The following ZFHX3 variants were observed in gnomAD, a reference collection of about 807,000 sequenced individuals.
The protein encoded by ZFHX3 is zinc finger homeobox protein 3.
A neutral mutation model predicts 279.1 loss-of-function variants in ZFHX3; 42 were observed. The ratio of observed to expected loss-of-function variants is 0.15; its 90% CI spans 0.12 to 0.19. ZFHX3 has a LOEUF of 0.19. Ranked by LOEUF, ZFHX3 falls within the 10% of genes least tolerant of loss-of-function variation. The pLI is 1.00. For missense variants in ZFHX3, 4,981 were observed against 4,754.0 expected, an observed-to-expected ratio of 1.05 and a Z score of -1.40; for synonymous variants, 2,293 against 1,957.8, an observed-to-expected ratio of 1.17 and a Z score of -4.52.
intron 2 of ZFHX3, among the ~76,000 whole-genome samples, chr16:73,521,467 T>C (rs902963886): frequency 2.0e-5 from 3 of 152,148 alleles, no homozygotes; most frequent in Non-Finnish European, 4.4e-5. Flanking sequence ...CTCACTTGTA[T>C]AAACAGATAA....
intron 5 of ZFHX3, among the ~76,000 whole-genome samples, chr16:73,249,852 A>AT: frequency 6.6e-6 from 1 of 152,098 alleles, no homozygotes; most frequent in East Asian, 1.9e-4. Flanking sequence ...ACACACACAA[A>AT]ATTCAAAAGA....
chr16:73,308,224 CATATATATAT>C (rs56199536), intron 4 of ZFHX3, among the ~76,000 whole-genome samples: 460 of 108,380 alleles, frequency 4.2e-3, no homozygotes, highest in South Asian at 7.5e-3. Context: ...CATATGCATG[CATATATATAT>C]ATATATATAT....
At chr16:73,707,598 G>A (rs1056345408) in intron 1 of ZFHX3, among the ~76,000 whole-genome samples, 91 of 123,456 alleles carry the variant, frequency 7.4e-4, no homozygotes, top group Non-Finnish European at 1.4e-3. Context: ...TGTGGGGTGG[G>A]GGGAGGGGGG....
At position 72,795,891 on chromosome 16, in the gene ZFHX3, T is replaced by C. The variant is rs749349133; in HGVS notation, c.6791A>G (p.Asn2264Ser). Residue 2264 changes from asparagine (N) to serine (S), a missense_variant, in exon 9 of 10, where the codon AAT becomes AGT. Physicochemically the swap from Asn to Ser is conservative, Grantham distance 46 (BLOSUM62 1). Around this residue, in one of 7 missense-constraint regions of ZFHX3, gnomAD observed 177 missense variants for 244.2 expected, o/e 0.72. Coordinates refer to ENST00000268489, the MANE Select transcript of ZFHX3 (RefSeq NM_006885.4). Reference protein sequence around the residue: ...LRVLQDFFDANAYPKDDEFEQ... With the variant: ...LRVLQDFFDASAYPKDDEFEQ... ...AAATTCATCATCCTTTGGGTAAGCA[T>C]TGGCATCGAAGAAGTCCTGTAAGAC... 18 of 1,614,050 alleles carry C rather than the reference T, an allele frequency of 1.1e-5. No individual in the cohort carries two copies. The highest frequency in any genetic ancestry group is 2.2e-5 in the South Asian group (2 of 91,078).
In ZFHX3 at chr16:72,977,589, T is replaced by TG. The variant is rs899472191; in HGVS notation, c.-49-17396dup. Among the ~76,000 whole-genome samples, 67 of 68,316 alleles carry TG rather than the reference T, an allele frequency of 9.8e-4. 1 individual carries two copies. The highest frequency in any genetic ancestry group is 2.7e-3 in the African/African-American group (62 of 22,944). The allele number at this position is 68,316 out of a possible 152,430, so 44.8% of individuals were successfully genotyped here. On this transcript the variant is annotated intron_variant, in intron 1 of 9. Coordinates refer to ENST00000268489, the MANE Select transcript of ZFHX3 (RefSeq NM_006885.4). ...CTATTAGTTCCCTGTCGTGGGTCAGTGGGGGGAAAAAAATCACTCTCCACA... is the reference window on the plus strand; with the variant it reads ...CTATTAGTTCCCTGTCGTGGGTCAGTGGGGGGGAAAAAAATCACTCTCCACA...
chr16:73,148,670 G>T (rs1462205756), intron 5 of ZFHX3, among the ~76,000 whole-genome samples: 1 of 149,070 alleles, frequency 6.7e-6, no homozygotes, highest in Admixed American at 6.9e-5. Flanking sequence ...AGTTGGGTTG[G>T]GCATGGTGGC....
intron 3 of ZFHX3, among the ~76,000 whole-genome samples, chr16:73,379,646 G>C (rs1291762738): frequency 6.6e-6 from 1 of 152,178 alleles, no homozygotes; most frequent in Non-Finnish European, 1.5e-5. Flanking sequence ...GAAAGGAAGA[G>C]GACCCTGCTG....
At chr16:72,974,234 C>A (rs777048126) in intron 1 of ZFHX3, among the ~76,000 whole-genome samples, 8 of 152,206 alleles carry the variant, frequency 5.3e-5, no homozygotes, top group Non-Finnish European at 1.0e-4. Flanking sequence ...AGCTGCTTTT[C>A]TCTGGGCCTG....
At chr16:73,129,607 C>CGT (rs1966637451) in intron 7 of ZFHX3, among the ~76,000 whole-genome samples, 1 of 151,270 alleles carries the variant, frequency 6.6e-6, no homozygotes, top group African/African-American at 2.4e-5. Context: ...GTAGTGTGTG[C>CGT]GTGTGTGTGC....
intron 5 of ZFHX3, among the ~76,000 whole-genome samples, chr16:73,178,369 C>G (rs1392913971): frequency 6.6e-6 from 1 of 152,134 alleles, no homozygotes; most frequent in Admixed American, 6.6e-5. Context: ...AAACTTCTGA[C>G]CTCAAGTGAT....
intron 2 of ZFHX3, among the ~76,000 whole-genome samples, chr16:73,493,935 C>A (rs80131439): frequency 6.6e-6 from 1 of 152,138 alleles, no homozygotes; most frequent in African/African-American, 2.4e-5. Context: ...GCACCCTAGA[C>A]TGAAGAAGCC....
intron 5 of ZFHX3, among the ~76,000 whole-genome samples, chr16:72,826,293 C>G (rs2036925323): frequency 6.6e-6 from 1 of 152,176 alleles, no homozygotes; most frequent in Non-Finnish European, 1.5e-5. Context: ...CCTGCACAAA[C>G]CCCAAAACTA....
At position 73,122,611 on chromosome 16, in the gene ZFHX3, G is replaced by A. The variant is rs1162934485; in HGVS notation, c.-897+8357C>T. On this transcript the variant is annotated intron_variant, in intron 7 of 17. Transcript: ENST00000641206. ...CCACGGGGTGCAGTGACCAACTTGG[G>A]GGGCCATCAGGGGATTCCCTGTAGA... Among the ~76,000 whole-genome samples the A allele has an allele frequency of 1.3e-5, 2 of 152,140 alleles. 1 individual carries two copies. Among genetic ancestry groups the A allele is most frequent in the Middle Eastern group, 6.3e-3 (2 of 316 alleles).
At chr16:72,789,511 A>C (rs1218198196) in intron 9 of ZFHX3, 1 of 152,358 alleles carries the variant, frequency 6.6e-6, no homozygotes, top group African/African-American at 2.4e-5. Flanking sequence ...AGGAGAAGAG[A>C]GAACGAAGGC....
chr16:73,222,836 A>T (rs948321758), intron 5 of ZFHX3, among the ~76,000 whole-genome samples: 2 of 152,188 alleles, frequency 1.3e-5, no homozygotes, highest in African/African-American at 4.8e-5. Flanking sequence ...AAGCCACAGC[A>T]ATTGAGACAG....
At chr16:73,055,696 G>A (rs62055078) in intron 1 of ZFHX3, among the ~76,000 whole-genome samples, 33,534 of 93,502 alleles carry the variant, frequency 0.36, 4,286 homozygotes, top group South Asian at 0.52. Flanking sequence ...GCGCGCGCGC[G>A]CGCACACACA....
chr16:73,646,372 T>A (rs1215521620), intron 2 of ZFHX3, among the ~76,000 whole-genome samples: 3 of 151,890 alleles, frequency 2.0e-5, no homozygotes, highest in African/African-American at 4.8e-5. Flanking sequence ...GATACACAGA[T>A]CAAAATTTAT....
In ZFHX3 at chr16:73,104,569, A is replaced by G. The variant is rs1423138952; in HGVS notation, c.-896-10971T>C. On this transcript the variant is annotated intron_variant, in intron 7 of 17. Coordinates refer to the ZFHX3 transcript ENST00000641206. ...ATGTGACCATTTGGGCAAATCTCTC[A>G]GTGAAGGAGTGGGACATTTTCTTTA... 5.3e-5 allele frequency among the ~76,000 whole-genome samples: 8 copies of G among 152,266 alleles called. No homozygotes were observed. In the East Asian group the frequency reaches 1.4e-3, roughly 26 times the overall value.
rs146783119 is a variant in ZFHX3 at position 73,821,979 on chromosome 16, G to C, written c.-1608+69672C>G. 4.6e-3 allele frequency among the ~76,000 whole-genome samples: 696 copies of C among 152,172 alleles called. 6 individuals are homozygous for C. Among genetic ancestry groups the C allele is most frequent in the African/African-American group, 0.015 (640 of 41,512 alleles). On this transcript the variant is annotated intron_variant, in intron 1 of 17. Coordinates refer to the ZFHX3 transcript ENST00000641206. ...TGATGCTTGGCAGCCCATTCCAAAG[G>C]CATCTCCCCCTCTACATTTGCCTTT... is the stretch of plus-strand genomic sequence containing the variant.
Sources: allele counts gnomAD v4.1 joint callset (sites outside exome capture counted in the v4.1 genomes callset), GRCh38; gene constraint gnomAD v4.1.1; regional missense constraint gnomAD v4.1.1; transcripts MANE v1.5; gene names NCBI Gene and HGNC (gene_info 2026-07-23, HGNC 2026-07-21).